Variants in ZNF555 observed in about 807,000 individuals in gnomAD.
The protein encoded by ZNF555 is zinc finger protein 555.
Under a neutral mutation model 14.0 loss-of-function variants are expected in ZNF555, and 10 were observed. The ratio of observed to expected loss-of-function variants is 0.72; its 90% CI spans 0.44 to 1.21. The LOEUF is 1.21. ZNF555 is among the 50% of genes most tolerant of loss of function. The pLI is 0.00. For missense variants in ZNF555, 747 were observed against 762.0 expected (o/e 0.98, Z 0.23); for synonymous variants, 277 against 262.4 (o/e 1.06, Z -0.54).
Position 2,853,908 on chromosome 19 carries a change from G to T in ZNF555, c.1843G>T (p.Glu615Ter). The T allele has an allele frequency of 6.2e-7, 1 of 1,613,916 alleles. No individual in the cohort carries two copies. The change falls in exon 4 of 4, where the codon GAG becomes TAG. Residue 615 changes from glutamate (E) to a stop codon, truncating the protein, a stop_gained. Coordinates refer to ENST00000334241, the MANE Select transcript of ZNF555 (RefSeq NM_152791.5). LOFTEE classifies it low-confidence loss of function (END_TRUNC). Reference sequence around the variant, plus strand: ...CAGTGCTTCAGAAAAGTCACACCAGGAGAGAGATCTGATCAAAGTTGTAAA... The same window carrying T: ...CAGTGCTTCAGAAAAGTCACACCAGTAGAGAGATCTGATCAAAGTTGTAAA... ...MCSASEKSHQERDLIKVVNMV... is the reference protein window; with the variant it reads ...MCSASEKSHQ
At position 2,852,427 on chromosome 19, in the gene ZNF555, G is replaced by A; in HGVS notation, c.362G>A (p.Gly121Glu). 6.2e-7 allele frequency: 1 copy of A among 1,614,126 alleles called. No individual in the cohort carries two copies. The highest frequency in any genetic ancestry group is 8.5e-7 in the Non-Finnish European group (1 of 1,180,022). ...ERLCESNDQC[G>E]EALSQIPHLN... ...CTCTGTGAAAGTAATGATCAATGTG[G>A]AGAAGCCCTCAGCCAGATTCCACAT... The change falls in exon 4 of 4, where the codon GGA becomes GAA. Residue 121 changes from glycine (G) to glutamate (E), a missense_variant. Physicochemically the swap from Gly to Glu is moderately conservative, Grantham distance 98. Coordinates refer to ENST00000334241, the MANE Select transcript of ZNF555 (RefSeq NM_152791.5).
At chr19:2,851,311 T>A (rs959462619) in intron 2 of ZNF555, among the ~76,000 whole-genome samples, 157 bp from the exon 3 acceptor site, 5 of 151,752 alleles carry the variant, frequency 3.3e-5, no homozygotes, top group South Asian at 2.1e-4. Flanking sequence ...TTTTTTTTTT[T>A]AATAATTTTT....
rs763224777 is a variant in ZNF555, at chr19:2,853,132, G to A, written c.1067G>A (p.Arg356Gln). The A allele has an allele frequency of 4.3e-5, 70 of 1,614,108 alleles. No individual in the cohort carries two copies. Among genetic ancestry groups the A allele is most frequent in the Middle Eastern group, 1.6e-4 (1 of 6,062 alleles). ...GKTFIYLQSF[R>Q]RHERIHTGEK... ...ACCTTCATTTATCTCCAGTCCTTTC[G>A]AAGACATGAAAGGATTCACACTGGA... is the stretch of plus-strand genomic sequence containing the variant. Residue 356 changes from arginine (R) to glutamine (Q), a missense_variant, in exon 4 of 4, where the codon CGA (arginine) becomes CAA (glutamine). Arg to Gln is a conservative substitution (Grantham distance 43). Transcript: ENST00000334241.
chr19:2,841,944 C>G (rs1334036087), intron 1 of ZNF555, among the ~76,000 whole-genome samples: 1 of 151,818 alleles, frequency 6.6e-6, no homozygotes, highest in Non-Finnish European at 1.5e-5. Flanking sequence ...ACCCCCGGGC[C>G]GCGGGAGGCA....
Position 2,859,816 on chromosome 19 carries a change from T to C in ZNF555, c.*5864T>C, listed in dbSNP as rs2087717064. 6.6e-6 allele frequency: 1 copy of C among 152,178 alleles called. No individual in the cohort carries two copies. Among genetic ancestry groups the C allele is most frequent in the Non-Finnish European group, 1.5e-5 (1 of 68,026 alleles). The allele number at this position is 152,178 out of a possible 1,614,324, so 9.4% of individuals were successfully genotyped here. On this transcript the variant is annotated 3_prime_UTR_variant, in exon 4 of 4. Transcript: ENST00000334241. ...ATGGATGTGAAGACAACTCATTCTT[T>C]GATGTTCAGATGGTTGTGGCCCTCT...
rs1398410069 is a variant in ZNF555, at chr19:2,855,010, G to C, written c.*1058G>C. ...ATACTTCCAGTGGCTCTGTGATCCTGATTCCACCACGAAAGCCACAGTGTT... is the reference window on the plus strand; with the variant it reads ...ATACTTCCAGTGGCTCTGTGATCCTCATTCCACCACGAAAGCCACAGTGTT... On this transcript the variant is annotated 3_prime_UTR_variant, in exon 4 of 4. Coordinates refer to ENST00000334241, the MANE Select transcript of ZNF555 (RefSeq NM_152791.5). 2 of 152,268 alleles carry C rather than the reference G, an allele frequency of 1.3e-5. No individual in the cohort carries two copies. The highest frequency in any genetic ancestry group is 2.4e-5 in the African/African-American group (1 of 41,546). The allele number at this position is 152,268 out of a possible 1,614,324, so 9.4% of individuals were successfully genotyped here. A position where few individuals can be genotyped will look rare whatever the true frequency, so the allele number is the denominator to read the frequency against.
At chr19:2,849,128 G>A (rs1334730268) in intron 1 of ZNF555, among the ~76,000 whole-genome samples, 1 of 152,176 alleles carries the variant, frequency 6.6e-6, no homozygotes, top group Non-Finnish European at 1.5e-5. Flanking sequence ...TCTGTGAATA[G>A]GACTGTTCTA....
rs745780625 is a variant in ZNF555 at position 2,850,712 on chromosome 19, A to C, written c.129A>C (p.Val43=). Residue 43 remains valine (V), a splice_region_variant and synonymous_variant, in exon 2 of 4, where the codon GTA becomes GTC. Transcript: ENST00000334241. ...AGACCTTTCAGAACCTGGCCTCAGT[A>C]GGTAAGGATGACATCATTCCTTCCT... ...MLETFQNLAS[V]DDETQFKASG... is the part of the protein sequence containing the mutation. 1 of 1,613,464 alleles carries C rather than the reference A, an allele frequency of 6.2e-7. No homozygotes were observed. The highest frequency in any genetic ancestry group is 8.5e-7 in the Non-Finnish European group (1 of 1,179,552).
At chr19:2,843,753 A>G (rs917024081) in intron 1 of ZNF555, among the ~76,000 whole-genome samples, 5 of 152,146 alleles carry the variant, frequency 3.3e-5, no homozygotes, top group South Asian at 2.1e-4. Flanking sequence ...TTAGATGACA[A>G]TTTGTCCCAG....
Position 2,858,948 on chromosome 19 carries a change from C to T in ZNF555, c.*4996C>T, listed in dbSNP as rs149236091. On this transcript the variant is annotated 3_prime_UTR_variant, in exon 4 of 4. Transcript: ENST00000334241. ...GACACCCCAGGAGGTGCCTATCGCG[C>T]CCCAAGCTCCTCACGTGCCTCCTCC... The T allele has an allele frequency of 5.5e-3, 835 of 152,610 alleles. 12 individuals are homozygous for T. Among genetic ancestry groups the T allele is most frequent in the Non-Finnish European group, 8.6e-3 (588 of 68,258 alleles). The allele number at this position is 152,610 out of a possible 1,614,324, so 9.5% of individuals were successfully genotyped here.
intron 1 of ZNF555, among the ~76,000 whole-genome samples, chr19:2,848,366 A>G (rs995411422): frequency 3.3e-5 from 5 of 149,990 alleles, no homozygotes; most frequent in African/African-American, 1.2e-4. Context: ...GTTAGCCAGG[A>G]TGGTCTCAAT....
chr19:2,859,682 T>C lies in ZNF555; in HGVS notation c.*5730T>C, dbSNP rs2087715609. 6.6e-6 allele frequency: 1 copy of C among 152,614 alleles called. No individual in the cohort carries two copies. The highest frequency in any genetic ancestry group is 2.4e-5 in the African/African-American group (1 of 41,410). The allele number at this position is 152,614 out of a possible 1,614,324, so 9.5% of individuals were successfully genotyped here. A position where few individuals can be genotyped will look rare whatever the true frequency, so the allele number is the denominator to read the frequency against. On this transcript the variant is annotated 3_prime_UTR_variant, in exon 4 of 4. Transcript: ENST00000334241. The stretch of plus-strand genomic sequence containing the variant: ...TGTTCTCAGGTTCTTATGTAGACAG[T>C]GAGGGCTCAGGGAGGCTCCCACCAC...
intron 1 of ZNF555, among the ~76,000 whole-genome samples, chr19:2,846,205 C>G (rs1406824910): frequency 6.6e-6 from 1 of 152,212 alleles, no homozygotes; most frequent in African/African-American, 2.4e-5. Context: ...CCAGTATGGA[C>G]GACACCTGGA....
Position 2,857,245 on chromosome 19 carries a change from T to TA in ZNF555, c.*3294dup, listed in dbSNP as rs927129904. On this transcript the variant is annotated 3_prime_UTR_variant, in exon 4 of 4. Transcript: ENST00000334241. ...TCACTTGTATTTCTTAACACCCACT[T>TA]ACCCATCATTCCCTCTTAGATGAAA... 37 of 152,226 alleles carry TA rather than the reference T, an allele frequency of 2.4e-4. No individual in the cohort carries two copies. The highest frequency in any genetic ancestry group is 8.9e-4 in the African/African-American group (37 of 41,466). 9.4% of individuals were successfully genotyped at this position (152,226 alleles called of 1,614,324 possible). A position where few individuals can be genotyped will look rare whatever the true frequency, so the allele number is the denominator to read the frequency against.
chr19:2,853,428 A>G lies in ZNF555; in HGVS notation c.1363A>G (p.Lys455Glu). The G allele has an allele frequency of 6.2e-7, 1 of 1,614,208 alleles. No homozygotes were observed. Residue 455 changes from lysine (K) to glutamate (E), a missense_variant, in exon 4 of 4, where the codon AAG becomes GAG. Lys to Glu is a moderately conservative substitution (Grantham distance 56, BLOSUM62 1). Transcript: ENST00000334241. ...TACTAGAGAGAAACCCTATGAATGT[A>G]AGCAGTGTGGGAAAGCCTTCAGCTT... ...THTREKPYECKQCGKAFSLSA... is the reference protein window; with the variant it reads ...THTREKPYECEQCGKAFSLSA...
In ZNF555 at chr19:2,859,424, A is replaced by G. The variant is rs886392516; in HGVS notation, c.*5472A>G. The G allele has an allele frequency of 6.6e-6, 1 of 151,992 alleles. No individual in the cohort carries two copies. The highest frequency in any genetic ancestry group is 2.4e-5 in the African/African-American group (1 of 41,374). The allele number at this position is 151,992 out of a possible 1,614,324, so 9.4% of individuals were successfully genotyped here. Reference sequence around the variant, plus strand: ...ACTTGAGTAGACACGACAGACGGGGAAGGACCCTGATGGTCCGAGGGACCT... The same window carrying G: ...ACTTGAGTAGACACGACAGACGGGGGAGGACCCTGATGGTCCGAGGGACCT... On this transcript the variant is annotated 3_prime_UTR_variant, in exon 4 of 4. Coordinates refer to ENST00000334241, the MANE Select transcript of ZNF555 (RefSeq NM_152791.5).
chr19:2,848,606 G>A (rs1201127016), intron 1 of ZNF555, among the ~76,000 whole-genome samples: 12 of 151,784 alleles, frequency 7.9e-5, no homozygotes, highest in Non-Finnish European at 1.8e-4. Context: ...GTGCCACCAC[G>A]CCCGGCTAAT....
At chr19:2,844,563 T>A (rs1417916783) in intron 1 of ZNF555, among the ~76,000 whole-genome samples, 1 of 152,234 alleles carries the variant, frequency 6.6e-6, no homozygotes, top group Non-Finnish European at 1.5e-5. Flanking sequence ...AATTGGCGGC[T>A]GGTCACAGAG....
rs1365428305 is a variant in ZNF555, at chr19:2,854,355, C to T, written c.*403C>T. On this transcript the variant is annotated 3_prime_UTR_variant, in exon 4 of 4. Coordinates refer to ENST00000334241, the MANE Select transcript of ZNF555 (RefSeq NM_152791.5). ...TGCAAAGTTGTTTAAGGAGTATAGCCTCAAATGAATTGTAATTTTTAATGT... is the reference window on the plus strand; with the variant it reads ...TGCAAAGTTGTTTAAGGAGTATAGCTTCAAATGAATTGTAATTTTTAATGT... 1 of 186,608 alleles carries T rather than the reference C, an allele frequency of 5.4e-6. No individual in the cohort carries two copies. The highest frequency in any genetic ancestry group is 1.1e-5 in the Non-Finnish European group (1 of 89,256). 11.6% of individuals were successfully genotyped at this position (186,608 alleles called of 1,614,324 possible).
Sources: gnomAD v4.1 joint callset for allele counts (sites outside exome capture counted in the v4.1 genomes callset) on GRCh38, gnomAD v4.1.1 for gene constraint, MANE v1.5 for transcripts, NCBI Gene and HGNC (gene_info 2026-07-23, HGNC 2026-07-21) for gene names.